Variants in VCF2 observed in about 807,000 individuals in gnomAD.
VCF2 encodes protein VCF2.
chrX:55,157,342 G>A, the VCF2 span, among the ~76,000 whole-genome samples: 3 of 111,825 alleles, frequency 2.7e-5, no homozygotes, highest in African/African-American at 3.3e-5. Flanking sequence ...AGAACAGCCC[G>A]GCCAACATGG....
the VCF2 span, among the ~76,000 whole-genome samples, chrX:55,158,920 T>C: frequency 8.9e-6 from 1 of 112,077 alleles, no homozygotes; most frequent in Admixed American, 9.5e-5. Flanking sequence ...CTGATTATGT[T>C]TAGCAAAGTT....
At chrX:55,159,073 G>T in the VCF2 span, 2 of 934,044 alleles carry the variant, frequency 2.1e-6, no homozygotes, top group Non-Finnish European at 3.0e-6. Flanking sequence ...AGCACAAATT[G>T]GATAATTTAG....
At chrX:55,150,880 T>G in the VCF2 span, among the ~76,000 whole-genome samples, 1 of 111,523 alleles carries the variant, frequency 9.0e-6, no homozygotes, top group Non-Finnish European at 1.9e-5. Flanking sequence ...ATTACCCAGA[T>G]GAAACTAATG....
chrX:55,150,583 A>C, the VCF2 span, among the ~76,000 whole-genome samples: 1 of 112,120 alleles, frequency 8.9e-6, no homozygotes, highest in Non-Finnish European at 1.9e-5. Context: ...GGTATATGTT[A>C]TCAGTAGTAA....
the VCF2 span, among the ~76,000 whole-genome samples, chrX:55,152,431 G>T: frequency 9.0e-6 from 1 of 111,210 alleles, no homozygotes; most frequent in Non-Finnish European, 1.9e-5. Context: ...TTCACAACCT[G>T]CTAAAAATAA....
the VCF2 span, among the ~76,000 whole-genome samples, chrX:55,150,093 T>C: frequency 2.7e-5 from 3 of 112,343 alleles, no homozygotes; most frequent in Non-Finnish European, 5.6e-5. Flanking sequence ...TTTGGGTTAT[T>C]TGATATAATA....
the VCF2 span, among the ~76,000 whole-genome samples, chrX:55,147,634 GT>G: frequency 4.3e-3 from 234 of 54,073 alleles, no homozygotes; most frequent in African/African-American, 0.015. Flanking sequence ...GGCTTTCCTT[GT>G]TTTTTTTTTT....
chrX:55,147,897 T>C, the VCF2 span, among the ~76,000 whole-genome samples: 6 of 111,134 alleles, frequency 5.4e-5, no homozygotes, highest in South Asian at 1.9e-3. Context: ...TGTGTACAGA[T>C]AGAAATGCTC....
chrX:55,145,216 T>G, the VCF2 span: 2 of 569,250 alleles, frequency 3.5e-6, no homozygotes, highest in African/African-American at 5.0e-5. Flanking sequence ...TAAACATCAG[T>G]TTAGTAGCTT....
chrX:55,144,176 ACTTTCTTT>A, the VCF2 span, among the ~76,000 whole-genome samples: 1 of 111,515 alleles, frequency 9.0e-6, no homozygotes, highest in Non-Finnish European at 1.9e-5. Flanking sequence ...TTTAATAGAC[ACTTTCTTT>A]CAGTAGGATG....
chrX:55,150,344 T>C, the VCF2 span, among the ~76,000 whole-genome samples: 2 of 111,245 alleles, frequency 1.8e-5, no homozygotes, highest in Non-Finnish European at 3.8e-5. Context: ...TCCACTCAGA[T>C]CTTTAGGTAT....
chrX:55,160,879 C>T, the VCF2 span: 2 of 1,156,777 alleles, frequency 1.7e-6, no homozygotes, highest in Non-Finnish European at 2.3e-6. Flanking sequence ...AAAGAACCAG[C>T]ATGTTCTTTC....
chrX:55,155,352 C>T, the VCF2 span, among the ~76,000 whole-genome samples: 1 of 111,667 alleles, frequency 9.0e-6, no homozygotes, highest in Non-Finnish European at 1.9e-5. Flanking sequence ...ACAAAAATCA[C>T]TGGGAAATTT....
the VCF2 span, among the ~76,000 whole-genome samples, chrX:55,158,645 T>C: frequency 1.8e-5 from 2 of 111,607 alleles, no homozygotes; most frequent in Non-Finnish European, 3.8e-5. Flanking sequence ...AAATATCACA[T>C]GTACCCCCAA....
chrX:55,153,653 G>A, the VCF2 span, among the ~76,000 whole-genome samples: 2 of 110,463 alleles, frequency 1.8e-5, no homozygotes, highest in African/African-American at 3.3e-5. Flanking sequence ...GAGCCACCGC[G>A]CCCGTCCTGT....
At chrX:55,153,837 G>A in the VCF2 span, among the ~76,000 whole-genome samples, 6 of 111,940 alleles carry the variant, frequency 5.4e-5, no homozygotes, top group Non-Finnish European at 1.1e-4. Flanking sequence ...TTCCATAACC[G>A]AGATTTTGGG....
the VCF2 span, among the ~76,000 whole-genome samples, chrX:55,155,470 A>T: frequency 1.8e-5 from 2 of 112,086 alleles, no homozygotes; most frequent in Non-Finnish European, 3.8e-5. Flanking sequence ...GGAATCATTG[A>T]GGAAATGACA....
chrX:55,144,047 A>ATTT, the VCF2 span, among the ~76,000 whole-genome samples: 1 of 111,649 alleles, frequency 9.0e-6, no homozygotes, highest in African/African-American at 3.3e-5. Flanking sequence ...TATTATTATT[A>ATTT]TTATTATTTT....
the VCF2 span, among the ~76,000 whole-genome samples, chrX:55,156,174 G>A: frequency 9.0e-6 from 1 of 110,717 alleles, no homozygotes; most frequent in African/African-American, 3.3e-5. Flanking sequence ...GGCTAGTCTT[G>A]AACTCCTGAC....
Sources: allele counts gnomAD v4.1 joint callset (sites outside exome capture counted in the v4.1 genomes callset), GRCh38; gene constraint gnomAD v4.1.1; transcripts MANE v1.5; gene names NCBI Gene and HGNC (gene_info 2026-07-23, HGNC 2026-07-21).